KHDRBS2: variants seen among roughly 807,000 people sequenced by gnomAD.
KHDRBS2 encodes KH domain-containing, RNA-binding, signal transduction-associated protein 2.
In KHDRBS2, 26 loss-of-function variants were observed where a neutral mutation model predicts 44.3. The ratio of observed to expected loss-of-function variants is 0.59; its 90% confidence interval spans 0.43 to 0.81. The LOEUF (loss-of-function observed/expected upper bound fraction) is 0.81, where lower values mean the gene tolerates loss of function less well. KHDRBS2 is among the 40% of genes least tolerant of loss of function. The probability of loss-of-function intolerance (pLI) is 0.00; values close to 1 mark genes in which losing one functional copy is unlikely to be tolerated. For synonymous variants in KHDRBS2, 194 were observed against 151.1 expected (o/e 1.28, Z -2.08); for missense variants, 476 against 433.1 (o/e 1.10, Z -0.88).
At chr6:62,066,836 C>T (rs1002015095) in intron 2 of KHDRBS2, among the ~76,000 whole-genome samples, 3 of 151,316 alleles carry the variant, frequency 2.0e-5, no homozygotes, top group African/African-American at 7.3e-5. Context: ...GCTTTTTTGT[C>T]CTGGATGGTA....
chr6:62,184,969 G>A (rs79182683), intron 1 of KHDRBS2, among the ~76,000 whole-genome samples: 2 of 151,690 alleles, frequency 1.3e-5, no homozygotes, highest in African/African-American at 2.4e-5. Context: ...CTCCCTTTGC[G>A]GTTTTTGGAG....
At chr6:61,612,537 A>G in the KHDRBS2 span, among the ~76,000 whole-genome samples, 1 of 152,216 alleles carries the variant, frequency 6.6e-6, no homozygotes. Context: ...GCAGAAGGGC[A>G]AATAAGACAA....
At chr6:62,094,453 A>G (rs1324062989) in intron 2 of KHDRBS2, among the ~76,000 whole-genome samples, 2 of 151,954 alleles carry the variant, frequency 1.3e-5, no homozygotes, top group Non-Finnish European at 2.9e-5. Context: ...TCAAACATAT[A>G]GTTTGCATAT....
intron 3 of KHDRBS2, among the ~76,000 whole-genome samples, chr6:62,035,791 T>A (rs1785178614): frequency 6.6e-6 from 1 of 151,988 alleles, no homozygotes. Context: ...CCAGAACAAT[T>A]AAAGTAAAAA....
the KHDRBS2 span, among the ~76,000 whole-genome samples, chr6:61,649,620 C>T: frequency 6.6e-6 from 1 of 152,128 alleles, no homozygotes; most frequent in African/African-American, 2.4e-5. Flanking sequence ...AACAATTTTT[C>T]TTTCTTAGTA....
the KHDRBS2 span, among the ~76,000 whole-genome samples, chr6:61,613,742 G>A: frequency 9.2e-5 from 14 of 152,120 alleles, no homozygotes; most frequent in African/African-American, 3.4e-4. Context: ...AGAATTAGAG[G>A]AAAGCTGTTA....
At chr6:61,696,612 A>G (rs1312900151) in intron 8 of KHDRBS2, among the ~76,000 whole-genome samples, 1 of 152,120 alleles carries the variant, frequency 6.6e-6, no homozygotes, top group African/African-American at 2.4e-5. Context: ...TACTGTATTG[A>G]TATATCATAG....
intron 1 of KHDRBS2, among the ~76,000 whole-genome samples, chr6:62,212,934 G>GA (rs1829331439): frequency 6.6e-6 from 1 of 152,080 alleles, no homozygotes; most frequent in South Asian, 2.1e-4. Flanking sequence ...ATCTGTACTA[G>GA]AAAATCACCT....
chr6:62,267,579 G>T (rs1372964707), intron 1 of KHDRBS2, among the ~76,000 whole-genome samples: 2 of 151,948 alleles, frequency 1.3e-5, no homozygotes, highest in African/African-American at 4.8e-5. Context: ...ACATACTAGG[G>T]AATAGAAAGT....
At chr6:62,070,488 C>G (rs531783119) in intron 2 of KHDRBS2, among the ~76,000 whole-genome samples, 134 of 152,076 alleles carry the variant, frequency 8.8e-4, no homozygotes, top group African/African-American at 2.8e-3. Context: ...ATCCCTCCCC[C>G]CTCCTCCCAC....
chr6:62,156,260 T>C (rs1431013967), intron 2 of KHDRBS2, among the ~76,000 whole-genome samples: 1 of 152,240 alleles, frequency 6.6e-6, no homozygotes, highest in Non-Finnish European at 1.5e-5. Context: ...TCCCAAGTTC[T>C]ACTAAAGTAT....
chr6:61,721,686 C>T lies in KHDRBS2; in HGVS notation c.893+10996G>A, dbSNP rs1424700405. Among the ~76,000 whole-genome samples, 33 of 122,248 alleles carry T rather than the reference C, an allele frequency of 2.7e-4. 5 individuals are homozygous for T. Among genetic ancestry groups the T allele is most frequent in the Non-Finnish European group, 1.5e-4 (8 of 53,354 alleles). 80.2% of individuals were successfully genotyped at this position (122,248 alleles called of 152,430 possible). Reference sequence around the variant, plus strand: ...AGCTTAAGGAGATTTTGGGCTGAGACGATGGGGTTTTCTAGCTATACAATC... The same window carrying T: ...AGCTTAAGGAGATTTTGGGCTGAGATGATGGGGTTTTCTAGCTATACAATC... On this transcript the variant is annotated intron_variant, in intron 7 of 8. Transcript: ENST00000281156.
In KHDRBS2 at chr6:62,229,298, G is replaced by A. The variant is rs576139359; in HGVS notation, c.92-51986C>T. Among the ~76,000 whole-genome samples the A allele has an allele frequency of 6.6e-5, 10 of 152,224 alleles. No individual in the cohort carries two copies. In the East Asian group the frequency reaches 7.8e-4, roughly 12 times the overall value. On this transcript the variant is annotated intron_variant, in intron 1 of 8. Transcript: ENST00000281156. ...GGGCACTCGGTCTACAGTATGCCAC[G>A]GCTCCTGCGTTGAGCTGTGGGGGAT...
intron 2 of KHDRBS2, among the ~76,000 whole-genome samples, chr6:62,158,730 T>G (rs1193154077): frequency 6.6e-6 from 1 of 152,120 alleles, no homozygotes; most frequent in Non-Finnish European, 1.5e-5. Context: ...TGATCTTACT[T>G]CTCTGTTCCT....
chr6:61,686,157 G>T (rs1229143689), intron 8 of KHDRBS2, among the ~76,000 whole-genome samples: 5 of 151,768 alleles, frequency 3.3e-5, no homozygotes, highest in East Asian at 3.9e-4. Context: ...ATATGGAAAA[G>T]AATCTAAAAA....
intron 2 of KHDRBS2, among the ~76,000 whole-genome samples, chr6:62,141,266 C>T (rs990385882): frequency 9.2e-5 from 14 of 152,092 alleles, no homozygotes; most frequent in African/African-American, 3.4e-4. Context: ...TGTATGCTTT[C>T]TTCGTACAAT....
intron 2 of KHDRBS2, among the ~76,000 whole-genome samples, chr6:62,118,700 T>A (rs9454403): frequency 0.51 from 77,516 of 151,934 alleles, 20,118 homozygotes; most frequent in Non-Finnish European, 0.55. Context: ...GGCAGAAGAA[T>A]GCAGAAAGCA....
intron 2 of KHDRBS2, among the ~76,000 whole-genome samples, chr6:62,083,672 T>G (rs1006478844): frequency 3.9e-5 from 6 of 152,140 alleles, no homozygotes; most frequent in Non-Finnish European, 8.8e-5. Flanking sequence ...ACCTGCATGC[T>G]CCACCTCCTG....
At chr6:61,802,842 G>A (rs910379266) in intron 6 of KHDRBS2, among the ~76,000 whole-genome samples, 9 of 152,114 alleles carry the variant, frequency 5.9e-5, no homozygotes, top group African/African-American at 2.2e-4. Context: ...GGGTCACAGA[G>A]GAGAAACTTA....
Sources: allele counts gnomAD v4.1 joint callset (sites outside exome capture counted in the v4.1 genomes callset), GRCh38; gene constraint gnomAD v4.1.1; transcripts MANE v1.5; gene names NCBI Gene and HGNC (gene_info 2026-07-23, HGNC 2026-07-21).